CLDN16: variants seen among roughly 807,000 people sequenced by gnomAD.
CLDN16 encodes claudin-16.
In CLDN16, 13 loss-of-function variants were observed where a neutral mutation model predicts 24.6. The ratio of observed to expected loss-of-function variants is 0.53; its 90% confidence interval spans 0.34 to 0.84. The LOEUF is 0.84. Ranked by LOEUF, CLDN16 falls within the 40% of genes least tolerant of loss-of-function variation. The pLI, the probability that CLDN16 is intolerant of heterozygous loss-of-function variation, is 0.01. For synonymous variants in CLDN16, 116 were observed against 106.7 expected, an observed-to-expected ratio of 1.09 and a Z score of -0.54; for missense variants, 298 against 292.7, an observed-to-expected ratio of 1.02 and a Z score of -0.13.
chr3:190,310,210 G>C, the CLDN16 span: 1 of 1,613,834 alleles, frequency 6.2e-7, no homozygotes. Context: ...ATTCTTGAAC[G>C]ATTCTATTGC....
chr3:190,384,776 A>C (rs1457459813), upstream of CLDN16, among the ~76,000 whole-genome samples: 1 of 152,172 alleles, frequency 6.6e-6, no homozygotes, highest in African/African-American at 2.4e-5. Context: ...AGCCTACCAT[A>C]TGCCAGGTAG....
At chr3:190,399,941 A>G (rs9826657) in intron 1 of CLDN16, among the ~76,000 whole-genome samples, 28,777 of 152,110 alleles carry the variant, frequency 0.19, 3,198 homozygotes, top group Middle Eastern at 0.31. Context: ...TGAACTGCAC[A>G]TGCGAGGGTT....
the CLDN16 span, chr3:190,305,562 G>T: frequency 6.6e-6 from 1 of 152,106 alleles, no homozygotes; most frequent in East Asian, 1.9e-4. Context: ...ATTCTAGTGG[G>T]TGGAGCCACT....
chr3:190,351,874 T>G (rs1717678328), intron 1 of CLDN16, among the ~76,000 whole-genome samples: 1 of 152,150 alleles, frequency 6.6e-6, no homozygotes, highest in South Asian at 2.1e-4. Flanking sequence ...AATTATATTC[T>G]CTTTTAATTG....
intron 1 of CLDN16, among the ~76,000 whole-genome samples, chr3:190,346,203 T>G (rs551776917): frequency 6.6e-6 from 1 of 151,194 alleles, no homozygotes; most frequent in East Asian, 2.0e-4. Context: ...GGGAACCACA[T>G]GTTAGAATGC....
chr3:190,385,852 G>A (rs1268711936), upstream of CLDN16, among the ~76,000 whole-genome samples: 1 of 152,056 alleles, frequency 6.6e-6, no homozygotes, highest in East Asian at 1.9e-4. Flanking sequence ...TCAAAGTATG[G>A]CCATCTGTTT....
the CLDN16 span, among the ~76,000 whole-genome samples, chr3:190,293,902 G>A: frequency 1.7e-4 from 26 of 152,234 alleles, no homozygotes; most frequent in East Asian, 5.8e-4. Context: ...ATTTGGTTTC[G>A]TTCATGTTTT....
chr3:190,363,574 A>G (rs1283231672), intron 1 of CLDN16, among the ~76,000 whole-genome samples: 7 of 132,932 alleles, frequency 5.3e-5, no homozygotes, highest in African/African-American at 1.9e-4. Flanking sequence ...ATATATATAT[A>G]TATATATATA....
chr3:190,298,069 T>A, the CLDN16 span, among the ~76,000 whole-genome samples: 1 of 152,156 alleles, frequency 6.6e-6, no homozygotes, highest in Non-Finnish European at 1.5e-5. Context: ...AATTTATTTG[T>A]TTTAAAACAT....
chr3:190,326,488 C>T (rs918074217), intron 1 of CLDN16, among the ~76,000 whole-genome samples: 2 of 152,134 alleles, frequency 1.3e-5, no homozygotes, highest in South Asian at 2.1e-4. Context: ...CCAAGCCTTG[C>T]GATGTTTTCC....
intron 1 of CLDN16, among the ~76,000 whole-genome samples, chr3:190,338,515 A>G (rs1717360024): frequency 6.6e-6 from 1 of 152,196 alleles, no homozygotes; most frequent in Non-Finnish European, 1.5e-5. Flanking sequence ...AAGTACAGCA[A>G]TTATTGCCTG....
intron 1 of CLDN16, among the ~76,000 whole-genome samples, chr3:190,346,945 A>C (rs570016656): frequency 1.3e-5 from 2 of 152,120 alleles, no homozygotes; most frequent in Non-Finnish European, 2.9e-5. Context: ...AAAAGCTCCT[A>C]TTTCCAAATA....
chr3:190,364,990 C>G (rs1423215127), intron 1 of CLDN16, among the ~76,000 whole-genome samples: 1 of 151,746 alleles, frequency 6.6e-6, no homozygotes, highest in African/African-American at 2.4e-5. Flanking sequence ...TGAGAACTGG[C>G]TCAGATATGA....
upstream of CLDN16, among the ~76,000 whole-genome samples, chr3:190,320,961 T>A (rs904006374): frequency 4.8e-5 from 7 of 145,808 alleles, no homozygotes; most frequent in Non-Finnish European, 7.5e-5. Context: ...ACCTTTAATT[T>A]AAAAAACAAA....
intron 1 of CLDN16, among the ~76,000 whole-genome samples, chr3:190,363,455 T>G (rs1197898262): frequency 6.7e-6 from 1 of 150,344 alleles, no homozygotes; most frequent in Non-Finnish European, 1.5e-5. Flanking sequence ...GGTTCACTTC[T>G]ACAAACTGTT....
At chr3:190,319,170 A>G (rs1372286084), upstream of CLDN16, among the ~76,000 whole-genome samples, 1 of 152,176 alleles carries the variant, frequency 6.6e-6, no homozygotes, top group Non-Finnish European at 1.5e-5. Context: ...AAGCAAGCAC[A>G]TAAAATTGGC....
chr3:190,347,451 A>C (rs1717575445), intron 1 of CLDN16, among the ~76,000 whole-genome samples: 1 of 152,208 alleles, frequency 6.6e-6, no homozygotes, highest in Non-Finnish European at 1.5e-5. Flanking sequence ...AAATGGATAT[A>C]ACGATCTGGC....
At chr3:190,301,183 G>A in the CLDN16 span, among the ~76,000 whole-genome samples, 84 of 152,110 alleles carry the variant, frequency 5.5e-4, no homozygotes, top group South Asian at 5.2e-3. Context: ...ACTTGGATGC[G>A]CAATAGGCAT....
upstream of CLDN16, among the ~76,000 whole-genome samples, chr3:190,318,120 T>C (rs994129684): frequency 6.6e-6 from 1 of 152,186 alleles, no homozygotes; most frequent in African/African-American, 2.4e-5. Context: ...CATTTCCCTC[T>C]TATTGGTGCA....
Sources: allele counts gnomAD v4.1 joint callset (sites outside exome capture counted in the v4.1 genomes callset), GRCh38; gene constraint gnomAD v4.1.1; transcripts MANE v1.5; gene names NCBI Gene and HGNC (gene_info 2026-07-23, HGNC 2026-07-21).